Variants in OXR1 observed in about 807,000 individuals in gnomAD.
The protein encoded by OXR1 is oxidation resistance 1, also known as oxidation resistance protein 1.
A neutral mutation model predicts 104.6 loss-of-function variants in OXR1; 41 were observed. That is an observed-to-expected ratio of 0.39 (90% confidence interval 0.31 to 0.51). The LOEUF (loss-of-function observed/expected upper bound fraction) is 0.51. Among genes scored for constraint, OXR1 ranks in the 20% least tolerant of loss-of-function variants. The pLI is 0.77. For missense variants in OXR1, 955 were observed against 1,031.9 expected (o/e 0.93, Z 1.02); for synonymous variants, 348 against 348.4 (o/e 1.00, Z 0.01).
chr8:106,378,342 G>T lies in OXR1; in HGVS notation c.23+18706G>T, dbSNP rs140037603. Among the ~76,000 whole-genome samples, 3 of 152,136 alleles carry T rather than the reference G, an allele frequency of 2.0e-5. 1 individual carries two copies. The highest frequency in any genetic ancestry group is 4.4e-5 in the Non-Finnish European group (3 of 68,036). ...ACTGCTGCATCACTGGGCCACATGGGAATGAGAATGTGGCTTAGGAACTGG... is the reference window on the plus strand; with the variant it reads ...ACTGCTGCATCACTGGGCCACATGGTAATGAGAATGTGGCTTAGGAACTGG... On this transcript the variant is annotated intron_variant, in intron 2 of 16. Coordinates refer to ENST00000517566, the MANE Select transcript of OXR1 (RefSeq NM_001198533.2).
At chr8:106,606,067 T>G (rs1820359720) in intron 3 of OXR1, among the ~76,000 whole-genome samples, 1 of 152,092 alleles carries the variant, frequency 6.6e-6, no homozygotes, top group Non-Finnish European at 1.5e-5. Context: ...ATTTATTATA[T>G]TAAGTCCCAG....
rs188064963 is a variant in OXR1, at chr8:106,368,345, C to A, written c.23+8709C>A. On this transcript the variant is annotated intron_variant, in intron 2 of 16. Transcript: ENST00000517566. ...TTATTATACATTTTAAGAGATTCAACAAATCTGACACATCTGAATAATTAA... is the reference window on the plus strand; with the variant it reads ...TTATTATACATTTTAAGAGATTCAAAAAATCTGACACATCTGAATAATTAA... 2.4e-4 allele frequency among the ~76,000 whole-genome samples: 37 copies of A among 152,166 alleles called. 1 individual carries two copies. The East Asian group carries it at 6.0e-3, about 25-fold the overall frequency.
intron 2 of OXR1, among the ~76,000 whole-genome samples, chr8:106,474,545 A>G (rs766194538): frequency 1.3e-5 from 2 of 151,942 alleles, no homozygotes; most frequent in Non-Finnish European, 2.9e-5. Flanking sequence ...TGAAAAAAAA[A>G]CAAAAGAATA....
intron 2 of OXR1, among the ~76,000 whole-genome samples, chr8:106,505,143 A>C (rs1369175804): frequency 6.6e-6 from 1 of 152,224 alleles, no homozygotes; most frequent in East Asian, 1.9e-4. Flanking sequence ...TGGTTTTCTA[A>C]CCAGAGAAAT....
intron 2 of OXR1, among the ~76,000 whole-genome samples, chr8:106,459,073 G>T (rs1180507560): frequency 6.6e-6 from 1 of 152,100 alleles, no homozygotes; most frequent in Non-Finnish European, 1.5e-5. Context: ...AATGTATTTT[G>T]CACTGTTAGA....
intron 2 of OXR1, among the ~76,000 whole-genome samples, chr8:106,423,742 A>G (rs1818995918): frequency 6.6e-6 from 1 of 152,226 alleles, no homozygotes; most frequent in Admixed American, 6.5e-5. Flanking sequence ...ATGAAAAACC[A>G]TACATCTCTT....
At chr8:106,319,223 C>T (rs1814110583) in intron 1 of OXR1, among the ~76,000 whole-genome samples, 1 of 152,332 alleles carries the variant, frequency 6.6e-6, no homozygotes, top group South Asian at 2.1e-4. Flanking sequence ...TGAAAGCCTT[C>T]TGTCTAGCAG....
At chr8:106,681,759 A>G (rs1437328504) in intron 4 of OXR1, among the ~76,000 whole-genome samples, 1 of 152,096 alleles carries the variant, frequency 6.6e-6, no homozygotes, top group Non-Finnish European at 1.5e-5. Flanking sequence ...TCCTGGGCTC[A>G]AGTGATCCAC....
At chr8:106,606,945 T>C (rs543457561) in intron 3 of OXR1, among the ~76,000 whole-genome samples, 2 of 152,304 alleles carry the variant, frequency 1.3e-5, no homozygotes, top group East Asian at 3.9e-4. Flanking sequence ...TTTTGTTGTT[T>C]AGTTAAGAAA....
chr8:106,409,140 C>T (rs6469067), intron 2 of OXR1, among the ~76,000 whole-genome samples: 34,547 of 151,948 alleles, frequency 0.23, 5,580 homozygotes, highest in African/African-American at 0.44. Context: ...CCTATAGTTT[C>T]TCCCACCACT....
intron 1 of OXR1, among the ~76,000 whole-genome samples, chr8:106,319,641 A>G (rs1330753332): frequency 2.0e-5 from 3 of 152,196 alleles, no homozygotes; most frequent in Non-Finnish European, 2.9e-5. Context: ...TATCTTCCTG[A>G]CAAAAATTGC....
intron 3 of OXR1, among the ~76,000 whole-genome samples, chr8:106,540,281 A>G (rs1195877120): frequency 2.6e-5 from 4 of 152,226 alleles, no homozygotes; most frequent in Middle Eastern, 3.2e-3. Flanking sequence ...TATGGGTTCC[A>G]TAGGTAAATC....
intron 3 of OXR1, among the ~76,000 whole-genome samples, chr8:106,602,712 C>T: frequency 6.6e-6 from 1 of 152,100 alleles, no homozygotes; most frequent in East Asian, 1.9e-4. Flanking sequence ...TGTTGTATTA[C>T]ATATGATTAT....
At chr8:106,525,578 A>T (rs982658240) in intron 3 of OXR1, among the ~76,000 whole-genome samples, 4 of 152,224 alleles carry the variant, frequency 2.6e-5, no homozygotes, top group African/African-American at 9.6e-5. Flanking sequence ...TTTATTACTT[A>T]TGCCACCTAA....
At chr8:106,340,019 C>T (rs1223526194) in intron 1 of OXR1, among the ~76,000 whole-genome samples, 6 of 152,056 alleles carry the variant, frequency 3.9e-5, no homozygotes, top group African/African-American at 1.2e-4. Context: ...AGTCACTTTA[C>T]AAAACACAAT....
intron 2 of OXR1, among the ~76,000 whole-genome samples, chr8:106,496,054 A>G (rs1811392916): frequency 6.6e-6 from 1 of 152,186 alleles, no homozygotes; most frequent in Admixed American, 6.5e-5. Context: ...TAAAAAACGG[A>G]CATTATTATT....
chr8:106,662,419 A>G (rs1227216953), intron 3 of OXR1, among the ~76,000 whole-genome samples: 4 of 152,222 alleles, frequency 2.6e-5, no homozygotes, highest in African/African-American at 4.8e-5. Flanking sequence ...AGCAAATCCT[A>G]TGTACTGAAT....
At chr8:106,558,888 C>T (rs544193803) in intron 3 of OXR1, among the ~76,000 whole-genome samples, 1 of 152,102 alleles carries the variant, frequency 6.6e-6, no homozygotes, top group Admixed American at 6.6e-5. Context: ...ACATCAAGAA[C>T]AAGCACACAT....
intron 3 of OXR1, among the ~76,000 whole-genome samples, chr8:106,540,439 AT>A (rs1355557746): frequency 6.6e-6 from 1 of 152,154 alleles, no homozygotes; most frequent in East Asian, 1.9e-4. Context: ...AACATTTTTC[AT>A]TTTTGCACAA....
Sources: allele counts gnomAD v4.1 joint callset (sites outside exome capture counted in the v4.1 genomes callset), GRCh38; gene constraint gnomAD v4.1.1; transcripts MANE v1.5; gene names NCBI Gene and HGNC (gene_info 2026-07-23, HGNC 2026-07-21).